Variants in SLC12A6 observed in about 807,000 individuals in gnomAD.
The protein encoded by SLC12A6 is K-Cl cotransporter 3.
A neutral mutation model predicts 135.3 loss-of-function variants in SLC12A6; 66 were observed. The ratio of observed to expected loss-of-function variants is 0.49; its 90% CI spans 0.40 to 0.60. SLC12A6 has a LOEUF of 0.60. Among genes scored for constraint, SLC12A6 ranks in the 20% least tolerant of loss-of-function variants. The probability of loss-of-function intolerance (pLI) is 0.00; values close to 1 mark genes in which losing one functional copy is unlikely to be tolerated. For missense variants in SLC12A6, 1,058 were observed against 1,452.3 expected, an observed-to-expected ratio of 0.73 and a Z score of 4.41; for synonymous variants, 513 against 508.8, an observed-to-expected ratio of 1.01 and a Z score of -0.11.
Position 34,266,389 on chromosome 15 carries a change from C to T in SLC12A6, c.317-5369G>A, listed in dbSNP as rs912867152. Reference sequence around the variant, plus strand: ...AGAAGGCATGACAGTTTTGTTTATACCACATAATAACAAAAGGTTTAATCC... The same window carrying T: ...AGAAGGCATGACAGTTTTGTTTATATCACATAATAACAAAAGGTTTAATCC... On this transcript the variant is annotated intron_variant, in intron 3 of 25. Coordinates refer to ENST00000354181, the MANE Select transcript of SLC12A6 (RefSeq NM_001365088.1). Among the ~76,000 whole-genome samples, 2 of 151,696 alleles carry T rather than the reference C, an allele frequency of 1.3e-5. 1 individual carries two copies. The highest frequency in any genetic ancestry group is 4.8e-5 in the African/African-American group (2 of 41,292).
At chr15:34,261,982 G>A (rs991977880) in intron 3 of SLC12A6, among the ~76,000 whole-genome samples, 5 of 152,120 alleles carry the variant, frequency 3.3e-5, no homozygotes, top group African/African-American at 1.2e-4. Flanking sequence ...CATTCCACCC[G>A]GCAATCCCAT....
intron 2 of SLC12A6, among the ~76,000 whole-genome samples, chr15:34,282,418 G>C (rs937919218): frequency 1.3e-5 from 2 of 151,978 alleles, no homozygotes; most frequent in Admixed American, 1.3e-4. Context: ...ATACACTTTG[G>C]GAAACGTTGA....
chr15:34,267,237 T>TTA (rs1893588917), intron 3 of SLC12A6, among the ~76,000 whole-genome samples: 3 of 143,820 alleles, frequency 2.1e-5, no homozygotes, highest in South Asian at 4.4e-4. Context: ...AGTCTCTTTT[T>TTA]AAAAAAAAAA....
At chr15:34,297,043 TC>T (rs1286775528) in intron 2 of SLC12A6, among the ~76,000 whole-genome samples, 1 of 152,196 alleles carries the variant, frequency 6.6e-6, no homozygotes, top group Admixed American at 6.5e-5. Flanking sequence ...TTCTACCTTC[TC>T]CCCTCATCCT....
At chr15:34,275,535 T>C (rs763937331) in intron 2 of SLC12A6, 146 bp from the exon 3 acceptor site, 59 of 629,542 alleles carry the variant, frequency 9.4e-5, no homozygotes, top group Non-Finnish European at 1.5e-4. Flanking sequence ...TAATAAAAAA[T>C]AGAATGAACT....
chr15:34,304,878 G>C (rs1380681486), intron 2 of SLC12A6, among the ~76,000 whole-genome samples: 1 of 152,064 alleles, frequency 6.6e-6, no homozygotes, highest in African/African-American at 2.4e-5. Flanking sequence ...CTTTCATCAT[G>C]TGATCTCTGT....
chr15:34,302,587 C>T (rs969053667), intron 2 of SLC12A6, among the ~76,000 whole-genome samples: 12 of 152,024 alleles, frequency 7.9e-5, no homozygotes, highest in Admixed American at 5.9e-4. Context: ...CCCAGCTACT[C>T]GGGAGGCTGA....
intron 2 of SLC12A6, among the ~76,000 whole-genome samples, chr15:34,281,725 T>C (rs933842323): frequency 2.6e-5 from 4 of 152,130 alleles, no homozygotes; most frequent in South Asian, 2.1e-4. Context: ...GAGGCGGAGG[T>C]TGCAGTGAGC....
intron 2 of SLC12A6, among the ~76,000 whole-genome samples, chr15:34,287,398 T>C (rs904145530): frequency 1.3e-5 from 2 of 152,244 alleles, no homozygotes; most frequent in South Asian, 4.1e-4. Flanking sequence ...ACATTTGGGT[T>C]GGTTCCAAGT....
intron 22 of SLC12A6, chr15:34,237,149 T>C: frequency 2.2e-6 from 1 of 463,314 alleles, no homozygotes; most frequent in Non-Finnish European, 3.9e-6. Flanking sequence ...AAAAATTTCA[T>C]AAAACTATAT....
chr15:34,323,742 G>T (rs55745608), intron 2 of SLC12A6, among the ~76,000 whole-genome samples: 1 of 151,940 alleles, frequency 6.6e-6, no homozygotes, highest in African/African-American at 2.4e-5. Context: ...CTTGAGCTCA[G>T]GAGTTTGAGA....
chr15:34,333,682 C>T (rs1446001631), intron 2 of SLC12A6, among the ~76,000 whole-genome samples: 1 of 151,942 alleles, frequency 6.6e-6, no homozygotes, highest in East Asian at 1.9e-4. Context: ...TGGAGCCTTG[C>T]CAAAATGAAA....
rs144461318 is a variant in SLC12A6 at position 34,323,940 on chromosome 15, C to CAAAAAAAAAAAA, written c.271+12469_271+12470insTTTTTTTTTTTT. Among the ~76,000 whole-genome samples the CAAAAAAAAAAAA allele has an allele frequency of 1.6e-4, 21 of 130,992 alleles. 1 individual carries two copies. The highest frequency in any genetic ancestry group is 5.5e-4 in the African/African-American group (19 of 34,254). 85.9% of individuals were successfully genotyped at this position (130,992 alleles called of 152,430 possible). On this transcript the variant is annotated intron_variant, in intron 2 of 25. Transcript: ENST00000354181. ...TAGGTGACAGAGTGAGATCTTGTCT[C>CAAAAAAAAAAAA]AAAAAAAAAAGACTTTTGGTAAAGA...
At chr15:34,300,147 T>A (rs938010112) in intron 2 of SLC12A6, among the ~76,000 whole-genome samples, 6 of 152,068 alleles carry the variant, frequency 3.9e-5, no homozygotes, top group Non-Finnish European at 4.4e-5. Context: ...CAAGAAAGGT[T>A]CTAGAGCACA....
At chr15:34,271,957 T>C (rs1595473465) in intron 3 of SLC12A6, among the ~76,000 whole-genome samples, 1 of 151,932 alleles carries the variant, frequency 6.6e-6, no homozygotes, top group East Asian at 1.9e-4. Context: ...AAGATTTTCT[T>C]TTTTTTTCTT....
intron 2 of SLC12A6, among the ~76,000 whole-genome samples, chr15:34,298,820 A>G (rs1322284971): frequency 6.6e-6 from 1 of 152,246 alleles, no homozygotes; most frequent in Non-Finnish European, 1.5e-5. Flanking sequence ...ACACCAATCT[A>G]TTCCATTGCA....
intron 25 of SLC12A6, among the ~76,000 whole-genome samples, chr15:34,234,770 T>G (rs1891143581): frequency 6.6e-6 from 1 of 152,168 alleles, no homozygotes; most frequent in Non-Finnish European, 1.5e-5. Context: ...GATGAAGGTA[T>G]GAGGAAGAAT....
intron 13 of SLC12A6, among the ~76,000 whole-genome samples, chr15:34,247,441 C>T (rs1012963187): frequency 4.0e-5 from 6 of 151,858 alleles, no homozygotes; most frequent in Non-Finnish European, 7.4e-5. Context: ...GGCGTGAACC[C>T]GGGAGGCAGA....
At chr15:34,285,951 T>C (rs1895044801) in intron 2 of SLC12A6, among the ~76,000 whole-genome samples, 1 of 152,006 alleles carries the variant, frequency 6.6e-6, no homozygotes, top group African/African-American at 2.4e-5. Context: ...GAGTTGTTCA[T>C]TGGGTATAGA....
Sources: gnomAD v4.1 joint callset for allele counts (sites outside exome capture counted in the v4.1 genomes callset) on GRCh38, gnomAD v4.1.1 for gene constraint, MANE v1.5 for transcripts, NCBI Gene and HGNC (gene_info 2026-07-23, HGNC 2026-07-21) for gene names.